The following NOTCH3 variants were observed in gnomAD, a reference collection of about 807,000 sequenced individuals.
The protein encoded by NOTCH3 is notch receptor 3, also known as neurogenic locus notch homolog protein 3.
NOTCH3 carries 86 observed loss-of-function variants against 213.3 expected under a neutral mutation model. The ratio of observed to expected loss-of-function variants is 0.40; its 90% CI spans 0.34 to 0.48. The LOEUF (loss-of-function observed/expected upper bound fraction) is 0.48, where lower values mean the gene tolerates loss of function less well. Among genes scored for constraint, NOTCH3 ranks in the 20% least tolerant of loss-of-function variants. NOTCH3 has a pLI of 0.57. For missense variants in NOTCH3, 2,783 were observed against 3,272.6 expected (o/e 0.85, Z 3.65); for synonymous variants, 1,354 against 1,355.9 (o/e 1.00, Z 0.03).
In NOTCH3 at chr19:15,186,878, C is replaced by A. The variant is rs2046885766; in HGVS notation, c.1951G>T (p.Gly651Trp). Residue 651 changes from glycine (G) to tryptophan (W), a missense_variant and splice_region_variant, in exon 12 of 33, where the codon GGG becomes TGG. Gly to Trp is a radical substitution (Grantham distance 184, BLOSUM62 -2). This residue lies in a region of NOTCH3 where 861 missense variants were observed against 909.1 expected (regional missense o/e 0.95). Coordinates refer to ENST00000263388, the MANE Select transcript of NOTCH3 (RefSeq NM_000435.3). ...CCTCTCATGGCAGCCACTTGCCCAC[C>A]TGTGAAGCCAGGTTGGCAGACACAG... Reference protein sequence around the residue: ...YDCVCQPGFTGPLCNVEINEC... With the variant: ...YDCVCQPGFTWPLCNVEINEC... 1 of 1,613,820 alleles carries A rather than the reference C, an allele frequency of 6.2e-7. No individual in the cohort carries two copies. Among genetic ancestry groups the A allele is most frequent in the African/African-American group, 1.3e-5 (1 of 74,922 alleles).
chr19:15,178,170 G>A (rs2046808583), intron 23 of NOTCH3, 80 bp from the exon 24 acceptor site: 1 of 883,772 alleles, frequency 1.1e-6, no homozygotes, highest in Non-Finnish European at 1.7e-6. Flanking sequence ...TGGAGGAGTG[G>A]GGAAAAGAAG....
intron 10 of NOTCH3, 74 bp from the exon 11 acceptor site, chr19:15,187,412 T>C: frequency 7.3e-7 from 1 of 1,364,088 alleles, no homozygotes; most frequent in Non-Finnish European, 1.0e-6. Context: ...GGACCAATCC[T>C]GGTTCAGCTC....
In NOTCH3 at chr19:15,161,191, G is replaced by A. The variant is rs770739669; in HGVS notation, c.6437C>T (p.Ala2146Val). Reference sequence around the variant, plus strand: ...TCCAGGGGGCTGGCGCCCTAGACCCGCCCGGCCTGGGCCACCAAGCTGTGC... The same window carrying A: ...TCCAGGGGGCTGGCGCCCTAGACCCACCCGGCCTGGGCCACCAAGCTGTGC... ...SLAQLGGPGR[A>V]GLGRQPPGGC... Residue 2146 changes from alanine (A) to valine (V), a missense_variant, in exon 33 of 33, where the codon GCG (alanine) becomes GTG (valine). By Grantham distance (64) the Ala-to-Val change is moderately conservative (BLOSUM62 0). This residue lies in a region of NOTCH3 where 441 missense variants were observed against 432.1 expected (regional missense o/e 1.02). Coordinates refer to ENST00000263388, the MANE Select transcript of NOTCH3 (RefSeq NM_000435.3). 58 of 1,540,108 alleles carry A rather than the reference G, an allele frequency of 3.8e-5. No individual in the cohort carries two copies. Among genetic ancestry groups the A allele is most frequent in the Admixed American group, 1.2e-4 (6 of 51,052 alleles).
rs1425871926 is a variant in NOTCH3 at position 15,184,929 on chromosome 19, C to A, written c.2387G>T (p.Cys796Phe). Residue 796 changes from cysteine (C) to phenylalanine (F), a missense_variant, in exon 15 of 33, where the codon TGC (cysteine) becomes TTC (phenylalanine). Cys to Phe is a radical substitution (Grantham distance 205). This residue lies in a region of NOTCH3 where 861 missense variants were observed against 909.1 expected (regional missense o/e 0.95). Transcript: ENST00000263388. Reference protein sequence around the residue: ...CESAPGQLPVCSCPQGWQGPR... With the variant: ...CESAPGQLPVFSCPQGWQGPR... ...ACCTTGCCAGCCCTGGGGGCAGGAG[C>A]AGACAGGCAGCTGGCCAGGGGCAGA... 1.9e-6 allele frequency: 3 copies of A among 1,549,382 alleles called. No homozygotes were observed. Among genetic ancestry groups the A allele is most frequent in the Non-Finnish European group, 2.6e-6 (3 of 1,145,736 alleles).
At chr19:15,197,441 G>GGGCCCCCCCCCCCC in intron 2 of NOTCH3, 59 bp downstream of exon 2, 10 of 768,324 alleles carry the variant, frequency 1.3e-5, no homozygotes, top group East Asian at 2.7e-5. Flanking sequence ...AAGACAAATC[G>GGGCCCCCCCCCCCC]CCCCTCCCCC....
rs1321321655 is a variant in NOTCH3, at chr19:15,188,008, T to C, written c.1493-14A>G. ...AGCCGCTGAAGCCTGGGGTGGGGAG[T>C]GGGATGAGCAGAGGCCCAGAAAGGG... On this transcript the variant is annotated splice_polypyrimidine_tract_variant and intron_variant, in intron 9 of 32. Transcript: ENST00000263388. 6.5e-7 allele frequency: 1 copy of C among 1,545,914 alleles called. No individual in the cohort carries two copies. Among genetic ancestry groups the C allele is most frequent in the South Asian group, 1.2e-5 (1 of 83,916 alleles).
In NOTCH3 at chr19:15,170,664, G is replaced by C. The variant is rs2145401091; in HGVS notation, c.4891+7C>G. ...CCCGCCACCCCCTCCCCAAGGCAGG[G>C]CCGCACCCCGCACGTCCCGCAGTGG... On this transcript the variant is annotated splice_region_variant and intron_variant, in intron 26 of 32. Coordinates refer to ENST00000263388, the MANE Select transcript of NOTCH3 (RefSeq NM_000435.3). 6.4e-7 allele frequency: 1 copy of C among 1,561,156 alleles called. No homozygotes were observed. Among genetic ancestry groups the C allele is most frequent in the Admixed American group, 1.9e-5 (1 of 52,716 alleles).
chr19:15,173,952 G>T, intron 25 of NOTCH3, 116 bp downstream of exon 25: 1 of 876,740 alleles, frequency 1.1e-6, no homozygotes, highest in Non-Finnish European at 1.7e-6. Flanking sequence ...CCAGGAGGCG[G>T]TGCTCCTGAC....
intron 32 of NOTCH3, among the ~76,000 whole-genome samples, 169 bp from the exon 33 acceptor site, chr19:15,161,883 C>T (rs1056252776): frequency 6.6e-6 from 1 of 152,132 alleles, no homozygotes; most frequent in South Asian, 2.1e-4. Flanking sequence ...TTCCTCTAAA[C>T]CACATTCATC....
rs116156132 is a variant in NOTCH3, at chr19:15,183,347, T to C, written c.2566+948A>G. 5.6e-3 allele frequency among the ~76,000 whole-genome samples: 854 copies of C among 152,302 alleles called. 8 individuals carry two copies. Among genetic ancestry groups the C allele is most frequent in the African/African-American group, 0.02 (815 of 41,566 alleles). On this transcript the variant is annotated intron_variant, in intron 16 of 32. Transcript: ENST00000263388. Reference sequence around the variant, plus strand: ...CTACTAGAAAATTTAAAATTGCATATGTGGCTTGTGTTATTTATCTGTTTG... The same window carrying C: ...CTACTAGAAAATTTAAAATTGCATACGTGGCTTGTGTTATTTATCTGTTTG...
chr19:15,194,365 G>C (rs935767255), intron 2 of NOTCH3, among the ~76,000 whole-genome samples: 5 of 152,224 alleles, frequency 3.3e-5, no homozygotes, highest in Non-Finnish European at 7.3e-5. Context: ...GCCACCAGAA[G>C]CTGCAAGAGT....
At chr19:15,181,875 G>C (rs1485788166) in intron 16 of NOTCH3, 74 bp from the exon 17 acceptor site, 1 of 1,292,660 alleles carries the variant, frequency 7.7e-7, no homozygotes, top group African/African-American at 1.5e-5. Context: ...ATATGCCTTG[G>C]ATTGAGAAGA....
Position 15,162,492 on chromosome 19 carries a change from T to C in NOTCH3, c.5886A>G (p.Gly1962=), listed in dbSNP as rs2046653026. ...TGCTATCCTGCATGTCCTTATTGGC[T>C]CCATTTTTGAGCAGGGCCAAAGTGG... is the stretch of plus-strand genomic sequence containing the variant. ...VEATLALLKN[G]ANKDMQDSKE... is the part of the protein sequence containing the mutation. The change falls in exon 32 of 33, where the codon GGA becomes GGG. Residue 1962 remains glycine, a synonymous_variant. Coordinates refer to ENST00000263388, the MANE Select transcript of NOTCH3 (RefSeq NM_000435.3). 6.2e-7 allele frequency: 1 copy of C among 1,613,790 alleles called. No individual in the cohort carries two copies. Among genetic ancestry groups the C allele is most frequent in the East Asian group, 2.2e-5 (1 of 44,876 alleles).
At chr19:15,181,241 A>G (rs1169386018) in intron 17 of NOTCH3, 79 bp from the exon 18 acceptor site, 17 of 1,318,448 alleles carry the variant, frequency 1.3e-5, no homozygotes, top group Non-Finnish European at 1.5e-5. Context: ...TCCCGCTGTT[A>G]GCGCTGGGGA....
rs2046675226 is a variant in NOTCH3, at chr19:15,165,164, G to A, written c.5815+204C>T. 6.6e-6 allele frequency among the ~76,000 whole-genome samples: 1 copy of A among 152,166 alleles called. No homozygotes were observed. The highest frequency in any genetic ancestry group is 1.5e-5 in the Non-Finnish European group (1 of 68,030). On this transcript the variant is annotated intron_variant, in intron 31 of 32. Coordinates refer to ENST00000263388, the MANE Select transcript of NOTCH3 (RefSeq NM_000435.3). The surrounding 1 kb of genome is among the most constrained non-coding windows in gnomAD (Gnocchi z 4.7). Reference sequence around the variant, plus strand: ...AGCAGGTGGAAATGAAGTATCTAGGGGAAAGGCACCTTTTTCTAAATCCCT... The same window carrying A: ...AGCAGGTGGAAATGAAGTATCTAGGAGAAAGGCACCTTTTTCTAAATCCCT...
chr19:15,195,795 C>G (rs964077665), intron 2 of NOTCH3, among the ~76,000 whole-genome samples: 1 of 151,526 alleles, frequency 6.6e-6, no homozygotes, highest in African/African-American at 2.4e-5. Context: ...CGCGCGGGCC[C>G]CCTCCCGACG....
At chr19:15,195,974 G>A (rs2046967180) in intron 2 of NOTCH3, among the ~76,000 whole-genome samples, 2 of 151,432 alleles carry the variant, frequency 1.3e-5, no homozygotes, top group African/African-American at 4.8e-5. Flanking sequence ...CTAGGAGATG[G>A]GGACGAGGTC....
chr19:15,191,103 G>A (rs2046923301), intron 6 of NOTCH3, among the ~76,000 whole-genome samples: 1 of 150,534 alleles, frequency 6.6e-6, no homozygotes, highest in Non-Finnish European at 1.5e-5. Flanking sequence ...GTGCAATCTT[G>A]GCTCACTGCA....
chr19:15,170,883 G>C, intron 25 of NOTCH3, 58 bp from the exon 26 acceptor site: 2 of 1,583,196 alleles, frequency 1.3e-6, no homozygotes, highest in Non-Finnish European at 1.7e-6. Flanking sequence ...GCACCCCCTG[G>C]TACCAAGCCC....
Sources: allele counts gnomAD v4.1 joint callset (sites outside exome capture counted in the v4.1 genomes callset), GRCh38; gene constraint gnomAD v4.1.1; regional missense constraint gnomAD v4.1.1; non-coding constraint Gnocchi (gnomAD v3.1); transcripts MANE v1.5; gene names NCBI Gene and HGNC (gene_info 2026-07-23, HGNC 2026-07-21).